The following ANK2 variants were observed in gnomAD, a reference collection of about 807,000 sequenced individuals.
ANK2 encodes ankyrin-2.
Under a neutral mutation model 360.5 loss-of-function variants are expected in ANK2, and 83 were observed. That is an observed-to-expected ratio of 0.23 (90% CI 0.19 to 0.28). ANK2 has a LOEUF of 0.28. ANK2 is among the 10% of genes least tolerant of loss of function. The pLI is 1.00. For synonymous variants in ANK2, 1,740 were observed against 1,759.5 expected (o/e 0.99, Z 0.28); for missense variants, 4,201 against 4,795.7 (o/e 0.88, Z 3.66).
chr4:113,133,616 C>T (rs1019730623), intron 1 of ANK2, among the ~76,000 whole-genome samples: 12 of 151,988 alleles, frequency 7.9e-5, no homozygotes, highest in African/African-American at 2.9e-4. Context: ...ATAAACAAAC[C>T]TTAGACCCAT....
intron 1 of ANK2, among the ~76,000 whole-genome samples, chr4:112,900,079 C>T (rs1213824244): frequency 6.6e-6 from 1 of 152,132 alleles, no homozygotes; most frequent in Non-Finnish European, 1.5e-5. Flanking sequence ...TAAGGTGTCT[C>T]ATGTATCCAC....
chr4:113,207,132 C>T (rs1375806705), intron 4 of ANK2, among the ~76,000 whole-genome samples: 1 of 152,248 alleles, frequency 6.6e-6, no homozygotes, highest in African/African-American at 2.4e-5. Context: ...CACACACTCC[C>T]ACATCCTAAA....
rs534240621 is a variant in ANK2 at position 113,211,552 on chromosome 4, T to G, written c.384+12443T>G. ...AATGTAGATAGTGTTTTAACTATTTTGAAGACAACTTTTCCGTAAACAAAT... is the reference window on the plus strand; with the variant it reads ...AATGTAGATAGTGTTTTAACTATTTGGAAGACAACTTTTCCGTAAACAAAT... On this transcript the variant is annotated intron_variant, in intron 4 of 45. Transcript: ENST00000357077. 1.3e-4 allele frequency among the ~76,000 whole-genome samples: 20 copies of G among 152,324 alleles called. 1 individual carries two copies. Among genetic ancestry groups the G allele is most frequent in the African/African-American group, 4.8e-4 (20 of 41,588 alleles).
chr4:112,842,041 G>C (rs2062203036), intron 1 of ANK2, among the ~76,000 whole-genome samples: 3 of 150,912 alleles, frequency 2.0e-5, no homozygotes, highest in African/African-American at 7.3e-5. Context: ...GGAGCCTCTT[G>C]CTCTGTTGTC....
intron 2 of ANK2, among the ~76,000 whole-genome samples, chr4:113,177,484 C>G (rs2098262329): frequency 6.6e-6 from 1 of 152,150 alleles, no homozygotes; most frequent in Non-Finnish European, 1.5e-5. Context: ...ACCGTTAGTT[C>G]ATTTAGGTAA....
At chr4:113,140,047 T>A (rs2096581827) in intron 1 of ANK2, among the ~76,000 whole-genome samples, 1 of 151,934 alleles carries the variant, frequency 6.6e-6, no homozygotes, top group Non-Finnish European at 1.5e-5. Flanking sequence ...TTTCCCTGAT[T>A]GATCAGTTAT....
At chr4:113,254,492 A>G (rs2048241636) in intron 10 of ANK2, among the ~76,000 whole-genome samples, 1 of 152,258 alleles carries the variant, frequency 6.6e-6, no homozygotes, top group Non-Finnish European at 1.5e-5. Context: ...ACTCCAGTCC[A>G]AACGTCATCA....
chr4:112,949,440 T>C (rs765683654), intron 2 of ANK2, among the ~76,000 whole-genome samples: 1 of 152,180 alleles, frequency 6.6e-6, no homozygotes, highest in Non-Finnish European at 1.5e-5. Flanking sequence ...AGATGATGGA[T>C]CTATTGATTA....
chr4:113,273,276 C>T (rs2059151913), intron 14 of ANK2, among the ~76,000 whole-genome samples: 1 of 152,190 alleles, frequency 6.6e-6, no homozygotes, highest in South Asian at 2.1e-4. Flanking sequence ...TCTAATAATA[C>T]ATTTTATGCT....
chr4:113,274,206 T>C (rs1191053172), intron 14 of ANK2, among the ~76,000 whole-genome samples: 3 of 152,198 alleles, frequency 2.0e-5, no homozygotes, highest in African/African-American at 7.2e-5. Context: ...TTGAGAAATA[T>C]TTCAGAAAGC....
chr4:113,318,242 T>C (rs1476077585), intron 25 of ANK2, among the ~76,000 whole-genome samples: 2 of 152,226 alleles, frequency 1.3e-5, no homozygotes, highest in African/African-American at 4.8e-5. Context: ...TATGATTTTA[T>C]CACTTTTGGT....
Position 113,316,790 on chromosome 4 carries a change from C to T in ANK2, c.2694-917C>T, listed in dbSNP as rs563003266. Among the ~76,000 whole-genome samples the T allele has an allele frequency of 5.9e-5, 9 of 152,254 alleles. 1 individual carries two copies. Among genetic ancestry groups the T allele is most frequent in the African/African-American group, 2.2e-4 (9 of 41,548 alleles). On this transcript the variant is annotated intron_variant, in intron 24 of 45. Coordinates refer to ENST00000357077, the MANE Select transcript of ANK2 (RefSeq NM_001148.6). Reference sequence around the variant, plus strand: ...CATCTATGCAAATGTCAAGTTTTACCTATTACATATGAGTGTGTAATTTAG... The same window carrying T: ...CATCTATGCAAATGTCAAGTTTTACTTATTACATATGAGTGTGTAATTTAG...
intron 2 of ANK2, among the ~76,000 whole-genome samples, chr4:112,922,312 G>T (rs1193548504): frequency 3.3e-5 from 5 of 152,070 alleles, no homozygotes; most frequent in Non-Finnish European, 7.3e-5. Flanking sequence ...TAGCCCAAGG[G>T]TCCTATATAT....
intron 2 of ANK2, among the ~76,000 whole-genome samples, chr4:113,007,832 T>C (rs1044245246): frequency 3.0e-4 from 45 of 152,022 alleles, no homozygotes; most frequent in African/African-American, 1.0e-3. Flanking sequence ...AGTATTGGAG[T>C]GGACTGCAAA....
intron 1 of ANK2, among the ~76,000 whole-genome samples, chr4:113,076,044 G>T (rs1407025232): frequency 6.6e-6 from 1 of 152,122 alleles, no homozygotes; most frequent in African/African-American, 2.4e-5. Context: ...AGATTTTGTT[G>T]TTGTTACTAA....
chr4:112,717,993 A>G, the ANK2 span, among the ~76,000 whole-genome samples: 1 of 152,214 alleles, frequency 6.6e-6, no homozygotes, highest in East Asian at 1.9e-4. Flanking sequence ...CCTCTTTTAT[A>G]GACACCTTCT....
At chr4:112,736,360 G>T in the ANK2 span, among the ~76,000 whole-genome samples, 1 of 152,034 alleles carries the variant, frequency 6.6e-6, no homozygotes, top group African/African-American at 2.4e-5. Context: ...AGCTACTTGG[G>T]AGGCTGAGGC....
rs142246120 is a variant in ANK2 at position 113,014,245 on chromosome 4, G to T, written c.21+109731G>T. Among the ~76,000 whole-genome samples the T allele has an allele frequency of 5.7e-3, 875 of 152,252 alleles. 10 individuals carry two copies. Among genetic ancestry groups the T allele is most frequent in the African/African-American group, 0.02 (821 of 41,550 alleles). On this transcript the variant is annotated intron_variant, in intron 2 of 30. Coordinates refer to the ANK2 transcript ENST00000503271. The stretch of plus-strand genomic sequence containing the variant: ...TGGCTGGGTAATCAATAAATATCAA[G>T]CTGCTCATAGTCTAAAAGATAAAAA...
intron 14 of ANK2, among the ~76,000 whole-genome samples, chr4:113,266,128 T>G (rs1013035700): frequency 9.2e-5 from 14 of 152,090 alleles, no homozygotes; most frequent in African/African-American, 3.4e-4. Context: ...CCCGACAGTC[T>G]CCAGTGTGTG....
Sources: allele counts gnomAD v4.1 joint callset (sites outside exome capture counted in the v4.1 genomes callset), GRCh38; gene constraint gnomAD v4.1.1; transcripts MANE v1.5; gene names NCBI Gene and HGNC (gene_info 2026-07-23, HGNC 2026-07-21).